Variants in ICA1 observed in about 807,000 individuals in gnomAD.
The protein encoded by ICA1 is 69 kDa islet cell autoantigen.
ICA1 carries 40 observed loss-of-function variants against 71.0 expected under a neutral mutation model. The ratio of observed to expected loss-of-function variants is 0.56; its 90% CI spans 0.44 to 0.73. The LOEUF (loss-of-function observed/expected upper bound fraction) is 0.73, where lower values mean the gene tolerates loss of function less well. Among genes scored for constraint, ICA1 ranks in the 30% least tolerant of loss-of-function variants. The pLI, the probability that ICA1 is intolerant of heterozygous loss-of-function variation, is 0.00. For missense variants in ICA1, 578 were observed against 576.5 expected, an observed-to-expected ratio of 1.00 and a Z score of -0.03; for synonymous variants, 207 against 209.5, an observed-to-expected ratio of 0.99 and a Z score of 0.10.
At chr7:8,120,274 G>A (rs956194362) in intron 13 of ICA1, among the ~76,000 whole-genome samples, 2 of 152,140 alleles carry the variant, frequency 1.3e-5, no homozygotes, top group African/African-American at 2.4e-5. Flanking sequence ...GACTACATGC[G>A]CATGAAGAGA....
intron 7 of ICA1, 191 bp from the exon 8 acceptor site, chr7:8,157,405 A>C: frequency 1.7e-6 from 1 of 583,146 alleles, no homozygotes; most frequent in Non-Finnish European, 2.9e-6. Flanking sequence ...TGTTTCCCCA[A>C]ATGCTGCCTC....
intron 7 of ICA1, chr7:8,157,764 G>A (rs914074825): frequency 1.2e-4 from 18 of 147,086 alleles, no homozygotes; most frequent in African/African-American, 3.8e-4. Flanking sequence ...GTGCGATCTC[G>A]GCTCACTTCG....
Position 8,123,913 on chromosome 7 carries a change from G to A in ICA1, c.1330+3960C>T, listed in dbSNP as rs1788008015. Among the ~76,000 whole-genome samples, 1 of 152,174 alleles carries A rather than the reference G, an allele frequency of 6.6e-6. No individual in the cohort carries two copies. The highest frequency in any genetic ancestry group is 1.5e-5 in the Non-Finnish European group (1 of 68,026). On this transcript the variant is annotated intron_variant, in intron 13 of 13. Transcript: ENST00000402384. The surrounding 1 kb of genome is among the most constrained non-coding windows in gnomAD (Gnocchi z 4.1). ...CCCGTTAACAGGAGTGTGATCTTGG[G>A]CACATCACTTAACCACTGTTCCTCA...
In ICA1 at chr7:8,202,202, G is replaced by A. The variant is rs549925377; in HGVS notation, c.579+16103C>T. ...AAGACCCCATCATGCTGCTCATGAA[G>A]AAACTGCTTTAGTTCCAGAAAATAA... is the stretch of plus-strand genomic sequence containing the variant. On this transcript the variant is annotated intron_variant, in intron 6 of 13. Coordinates refer to ENST00000402384, the MANE Select transcript of ICA1 (RefSeq NM_001136020.3). Among the ~76,000 whole-genome samples, 63 of 152,340 alleles carry A rather than the reference G, an allele frequency of 4.1e-4. 2 individuals carry two copies. Among genetic ancestry groups the A allele is most frequent in the Middle Eastern group, 6.8e-3 (2 of 294 alleles).
chr7:8,259,854 G>A (rs1811615134), intron 1 of ICA1, among the ~76,000 whole-genome samples: 1 of 152,106 alleles, frequency 6.6e-6, no homozygotes, highest in South Asian at 2.1e-4. Context: ...AGTGTTTTTT[G>A]AGTTTAAAGT....
chr7:8,247,389 G>A lies in ICA1; in HGVS notation c.-79-11384C>T, dbSNP rs185153647. Among the ~76,000 whole-genome samples the A allele has an allele frequency of 4.9e-3, 739 of 152,254 alleles. 7 individuals carry two copies. Among genetic ancestry groups the A allele is most frequent in the African/African-American group, 0.017 (702 of 41,546 alleles). On this transcript the variant is annotated intron_variant, in intron 1 of 13. Transcript: ENST00000402384. Reference sequence around the variant, plus strand: ...ATGGGAGGATCAATCGAGCCCAGGAGGTCAAGGCTGCAGAGAGCCATGATG... The same window carrying A: ...ATGGGAGGATCAATCGAGCCCAGGAAGTCAAGGCTGCAGAGAGCCATGATG...
chr7:8,235,883 A>G (rs1801697521), intron 2 of ICA1, 27 bp downstream of exon 2: 9 of 1,610,228 alleles, frequency 5.6e-6, no homozygotes, highest in Middle Eastern at 1.7e-4. Context: ...TACTTTCCCA[A>G]TTCAGAAAAG....
At chr7:8,125,488 C>G (rs912361493) in intron 13 of ICA1, among the ~76,000 whole-genome samples, 1 of 152,242 alleles carries the variant, frequency 6.6e-6, no homozygotes, top group African/African-American at 2.4e-5. Context: ...CAGTAAGAAC[C>G]TACTCAGCTC....
At chr7:8,182,756 G>C (rs1031771493) in intron 6 of ICA1, among the ~76,000 whole-genome samples, 3 of 152,012 alleles carry the variant, frequency 2.0e-5, no homozygotes, top group African/African-American at 7.2e-5. Flanking sequence ...CTTTATTTTT[G>C]TATTGTATGT....
intron 8 of ICA1, among the ~76,000 whole-genome samples, chr7:8,147,175 C>T (rs1797315548): frequency 6.6e-6 from 1 of 152,150 alleles, no homozygotes; most frequent in African/African-American, 2.4e-5. Context: ...ATGCCCTTGA[C>T]AGCTCCACGG....
At position 8,235,905 on chromosome 7, in the gene ICA1, C is replaced by T. The variant is rs1227888697; in HGVS notation, c.17+5G>A. On this transcript the variant is annotated splice_donor_5th_base_variant and intron_variant, in intron 2 of 13. Transcript: ENST00000402384. ...CCAATTCAGAAAAGATGACAAATTA[C>T]TTACCATTTGTGTCCTGACATGTTT... The T allele has an allele frequency of 6.2e-7, 1 of 1,612,930 alleles. No individual in the cohort carries two copies. Among genetic ancestry groups the T allele is most frequent in the Non-Finnish European group, 8.5e-7 (1 of 1,179,342 alleles).
intron 6 of ICA1, among the ~76,000 whole-genome samples, chr7:8,195,378 T>C (rs1787107450): frequency 6.6e-6 from 1 of 151,886 alleles, no homozygotes; most frequent in Non-Finnish European, 1.5e-5. Flanking sequence ...CTGTCTCTAC[T>C]AAAAATAGAA....
At chr7:8,190,584 C>T (rs1381155834) in intron 6 of ICA1, among the ~76,000 whole-genome samples, 1 of 152,252 alleles carries the variant, frequency 6.6e-6, no homozygotes, top group African/African-American at 2.4e-5. Context: ...TGGTTTAGTA[C>T]CAATTCAGAT....
chr7:8,161,717 T>C (rs1231543852), intron 6 of ICA1, among the ~76,000 whole-genome samples: 2 of 152,108 alleles, frequency 1.3e-5, no homozygotes. Flanking sequence ...CAGCTGACTC[T>C]GAGATATGTG....
intron 6 of ICA1, among the ~76,000 whole-genome samples, chr7:8,208,635 A>G (rs1792482289): frequency 6.6e-6 from 1 of 152,352 alleles, no homozygotes; most frequent in South Asian, 2.1e-4. Flanking sequence ...ATGTGTTGCT[A>G]TGACAGACTT....
chr7:8,115,689 C>T (rs1214205382), intron 13 of ICA1, among the ~76,000 whole-genome samples: 1 of 152,200 alleles, frequency 6.6e-6, no homozygotes, highest in Admixed American at 6.5e-5. Flanking sequence ...TACACACTTC[C>T]TTCAACTTCC....
chr7:8,183,041 CA>C (rs1782703304), intron 6 of ICA1, among the ~76,000 whole-genome samples: 1 of 152,142 alleles, frequency 6.6e-6, no homozygotes, highest in Non-Finnish European at 1.5e-5. Context: ...AATCTCTAAC[CA>C]CAACTTTCCT....
rs1797874010 is a variant in ICA1, at chr7:8,223,998, C to T, written c.257-2600G>A. On this transcript the variant is annotated intron_variant, in intron 4 of 13. Transcript: ENST00000402384. The surrounding 1 kb of genome is among the most constrained non-coding windows in gnomAD (Gnocchi z 4.1). ...TGGATGATCCAACACATACGAGGCA[C>T]AGTTCTTGCCACTGGAATACAGTGA... 6.6e-6 allele frequency among the ~76,000 whole-genome samples: 1 copy of T among 152,150 alleles called. No homozygotes were observed. Among genetic ancestry groups the T allele is most frequent in the Non-Finnish European group, 1.5e-5 (1 of 68,030 alleles).
At chr7:8,261,015 C>T (rs1337558105) in intron 1 of ICA1, among the ~76,000 whole-genome samples, 1 of 152,138 alleles carries the variant, frequency 6.6e-6, no homozygotes, top group African/African-American at 2.4e-5. Flanking sequence ...CCAATAAATG[C>T]CTTATGTGTC....
Sources: gnomAD v4.1 joint callset for allele counts (sites outside exome capture counted in the v4.1 genomes callset) on GRCh38, gnomAD v4.1.1 for gene constraint, Gnocchi (gnomAD v3.1) non-coding constraint, MANE v1.5 for transcripts, NCBI Gene and HGNC (gene_info 2026-07-23, HGNC 2026-07-21) for gene names.